PTPRT: variants seen among roughly 807,000 people sequenced by gnomAD.
PTPRT encodes the protein protein tyrosine phosphatase receptor type T.
A neutral mutation model predicts 176.8 loss-of-function variants in PTPRT; 56 were observed. The observed-to-expected ratio is 0.32, with a 90% CI of 0.26 to 0.40. PTPRT has a LOEUF of 0.40. PTPRT is among the 10% of genes least tolerant of loss of function. The pLI is 1.00. For missense variants in PTPRT, 1,540 were observed against 1,908.2 expected (o/e 0.81, Z 3.60); for synonymous variants, 783 against 739.0 (o/e 1.06, Z -0.96).
At chr20:42,206,634 G>A (rs181470020) in intron 15 of PTPRT, among the ~76,000 whole-genome samples, 24 of 152,324 alleles carry the variant, frequency 1.6e-4, no homozygotes, top group Middle Eastern at 3.4e-3. Flanking sequence ...AGGGTCCTAC[G>A]CCCACGGAGT....
At chr20:42,251,684 C>T (rs959327469) in intron 13 of PTPRT, among the ~76,000 whole-genome samples, 1 of 150,254 alleles carries the variant, frequency 6.7e-6, no homozygotes, top group South Asian at 2.1e-4. Context: ...GGAGAAATAG[C>T]CTTGCCTAAT....
intron 1 of PTPRT, among the ~76,000 whole-genome samples, chr20:42,941,530 G>A (rs1019810065): frequency 1.9e-4 from 29 of 152,208 alleles, no homozygotes; most frequent in African/African-American, 5.8e-4. Context: ...CCTGTTCACC[G>A]TTTCATTCAC....
At chr20:42,805,759 A>G (rs1451882391) in intron 2 of PTPRT, among the ~76,000 whole-genome samples, 2 of 152,078 alleles carry the variant, frequency 1.3e-5, no homozygotes, top group Non-Finnish European at 2.9e-5. Context: ...TGAATGGTGT[A>G]TTTTCTGAGC....
intron 17 of PTPRT, among the ~76,000 whole-genome samples, chr20:42,158,608 G>A (rs1490395223): frequency 6.6e-6 from 1 of 152,180 alleles, no homozygotes; most frequent in Non-Finnish European, 1.5e-5. Context: ...CTATGCTCAG[G>A]AGGATTACCG....
intron 1 of PTPRT, among the ~76,000 whole-genome samples, chr20:42,962,623 C>T (rs539533247): frequency 1.3e-5 from 2 of 152,174 alleles, no homozygotes; most frequent in Admixed American, 1.3e-4. Flanking sequence ...GGGCTGAAAA[C>T]GCTAATGATT....
intron 6 of PTPRT, among the ~76,000 whole-genome samples, chr20:42,754,043 C>G (rs972458148): frequency 6.6e-6 from 1 of 152,128 alleles, no homozygotes; most frequent in African/African-American, 2.4e-5. Flanking sequence ...TCCTGGGACT[C>G]TCAATCTGGT....
At chr20:43,151,113 C>A (rs1045706332) in intron 1 of PTPRT, among the ~76,000 whole-genome samples, 1 of 151,898 alleles carries the variant, frequency 6.6e-6, no homozygotes, top group Non-Finnish European at 1.5e-5. Context: ...TCAAGACCAG[C>A]CTAACCAACA....
rs11483503 is a variant in PTPRT at position 43,076,429 on chromosome 20, CA to C, written c.88+113216del. 8.2e-3 allele frequency among the ~76,000 whole-genome samples: 1,220 copies of C among 148,284 alleles called. 15 individuals are homozygous for C. Among genetic ancestry groups the C allele is most frequent in the Middle Eastern group, 0.032 (9 of 284 alleles). ...ATTTTTAATGCAAGCCAAATGAAAC[CA>C]AAAAAAAAAATACTTCAGGAAAAGA... is the stretch of plus-strand genomic sequence containing the variant. On this transcript the variant is annotated intron_variant, in intron 1 of 30. Transcript: ENST00000373187.
chr20:42,055,032 C>T, the PTPRT span, among the ~76,000 whole-genome samples: 633 of 152,310 alleles, frequency 4.2e-3, 3 homozygotes, highest in Non-Finnish European at 7.3e-3. Context: ...CACATGTATA[C>T]ATATGTAACT....
intron 1 of PTPRT, among the ~76,000 whole-genome samples, chr20:43,005,465 C>A (rs1160905168): frequency 6.6e-6 from 1 of 152,124 alleles, no homozygotes; most frequent in Non-Finnish European, 1.5e-5. Flanking sequence ...AAGTTTCAGC[C>A]TAAAGATGCT....
chr20:42,796,477 A>C (rs771451974), intron 2 of PTPRT, among the ~76,000 whole-genome samples: 12 of 152,216 alleles, frequency 7.9e-5, no homozygotes, highest in Admixed American at 1.3e-4. Flanking sequence ...TCCAGTAGGG[A>C]ACAAGTAACT....
At chr20:43,143,556 T>A (rs1446776369) in intron 1 of PTPRT, among the ~76,000 whole-genome samples, 2 of 152,190 alleles carry the variant, frequency 1.3e-5, no homozygotes, top group Non-Finnish European at 2.9e-5. Context: ...GCCACATTTT[T>A]TAGGTCTGAG....
At chr20:42,680,371 T>C (rs2075582539) in intron 6 of PTPRT, among the ~76,000 whole-genome samples, 1 of 152,246 alleles carries the variant, frequency 6.6e-6, no homozygotes, top group African/African-American at 2.4e-5. Flanking sequence ...AGGTTATTAC[T>C]CAAGACCTTG....
At chr20:42,690,372 T>A (rs3092449) in intron 6 of PTPRT, among the ~76,000 whole-genome samples, 1 of 151,942 alleles carries the variant, frequency 6.6e-6, no homozygotes, top group Non-Finnish European at 1.5e-5. Flanking sequence ...GTCAATTACA[T>A]TGAGGAAAGA....
intron 9 of PTPRT, among the ~76,000 whole-genome samples, chr20:42,355,774 C>G (rs777445865): frequency 6.6e-6 from 1 of 152,170 alleles, no homozygotes; most frequent in Non-Finnish European, 1.5e-5. Flanking sequence ...CCTGCTTGGA[C>G]TGGTGGCAAC....
intron 2 of PTPRT, among the ~76,000 whole-genome samples, chr20:42,843,193 A>G (rs1384763271): frequency 1.3e-5 from 2 of 152,232 alleles, no homozygotes; most frequent in African/African-American, 2.4e-5. Context: ...TTCCCTAAAG[A>G]GATTTGGAAA....
intron 9 of PTPRT, among the ~76,000 whole-genome samples, chr20:42,379,970 T>A (rs1049343231): frequency 6.6e-6 from 1 of 152,154 alleles, no homozygotes; most frequent in Non-Finnish European, 1.5e-5. Context: ...TGGCCATCCA[T>A]AGCAAGCCCA....
intron 7 of PTPRT, among the ~76,000 whole-genome samples, chr20:42,533,211 C>T (rs1203789998): frequency 6.6e-6 from 1 of 152,200 alleles, no homozygotes; most frequent in Non-Finnish European, 1.5e-5. Context: ...GAAATCGCTA[C>T]TGGCCTATTC....
chr20:42,231,119 C>T (rs1207432282), intron 15 of PTPRT, among the ~76,000 whole-genome samples: 1 of 148,468 alleles, frequency 6.7e-6, no homozygotes, highest in Non-Finnish European at 1.5e-5. Context: ...GGCCTCCTTA[C>T]CAGCCTGGAA....
Sources: allele counts gnomAD v4.1 joint callset (sites outside exome capture counted in the v4.1 genomes callset), GRCh38; gene constraint gnomAD v4.1.1; transcripts MANE v1.5; gene names NCBI Gene and HGNC (gene_info 2026-07-23, HGNC 2026-07-21).